CDH8: variants seen among roughly 807,000 people sequenced by gnomAD.
The protein encoded by CDH8 is cadherin-8.
CDH8 carries 17 observed loss-of-function variants against 68.1 expected under a neutral mutation model. That is an observed-to-expected ratio of 0.25 (90% CI 0.17 to 0.37). The LOEUF (loss-of-function observed/expected upper bound fraction) is 0.37, where lower values mean the gene tolerates loss of function less well. CDH8 is among the 10% of genes least tolerant of loss of function. CDH8 has a pLI of 1.00. For synonymous variants in CDH8, 372 were observed against 365.1 expected (o/e 1.02, Z -0.21); for missense variants, 763 against 999.3 (o/e 0.76, Z 3.19).
chr16:61,763,091 G>C (rs1960508214), intron 8 of CDH8, among the ~76,000 whole-genome samples: 1 of 152,094 alleles, frequency 6.6e-6, no homozygotes, highest in African/African-American at 2.4e-5. Context: ...GGCCACCCAG[G>C]ATTTCAGCTT....
Position 61,873,223 on chromosome 16 carries a change from G to A in CDH8, c.548-15985C>T, listed in dbSNP as rs1169618511. Among the ~76,000 whole-genome samples the A allele has an allele frequency of 2.6e-5, 4 of 152,144 alleles. 1 individual carries two copies. The highest frequency in any genetic ancestry group is 2.6e-4 in the Admixed American group (4 of 15,276). Reference sequence around the variant, plus strand: ...AAAAAGATTAATTATTTTGATAAACGCCTGTGTCCTGTAGACATAAATAAG... The same window carrying A: ...AAAAAGATTAATTATTTTGATAAACACCTGTGTCCTGTAGACATAAATAAG... On this transcript the variant is annotated intron_variant, in intron 3 of 11. Coordinates refer to ENST00000577390, the MANE Select transcript of CDH8 (RefSeq NM_001796.5).
intron 10 of CDH8, among the ~76,000 whole-genome samples, chr16:61,674,090 C>T (rs1161328100): frequency 6.6e-6 from 1 of 152,054 alleles, no homozygotes; most frequent in African/African-American, 2.4e-5. Context: ...AAGACCTCAC[C>T]TAATACATAA....
chr16:61,826,985 T>C (rs553596622), intron 4 of CDH8, among the ~76,000 whole-genome samples: 1 of 151,866 alleles, frequency 6.6e-6, no homozygotes, highest in East Asian at 1.9e-4. Flanking sequence ...CATACCTATA[T>C]AGTTAGAAAT....
At chr16:61,882,012 A>G (rs1963588178) in intron 3 of CDH8, among the ~76,000 whole-genome samples, 1 of 152,204 alleles carries the variant, frequency 6.6e-6, no homozygotes, top group African/African-American at 2.4e-5. Flanking sequence ...GAGTTATCTA[A>G]TAATTCAGGC....
At chr16:61,895,085 A>T (rs1006738842) in intron 3 of CDH8, among the ~76,000 whole-genome samples, 1 of 152,132 alleles carries the variant, frequency 6.6e-6, no homozygotes, top group Non-Finnish European at 1.5e-5. Context: ...TAAAGTGCTC[A>T]TATTCCTATA....
Position 61,649,498 on chromosome 16 carries a change from T to C in CDH8, c.*4110A>G, listed in dbSNP as rs1963273772. ...AATGTTGATATTCATGTTTAAGTTG[T>C]GCATTTATAGAGCTTTTATAGTGAT... On this transcript the variant is annotated 3_prime_UTR_variant, in exon 12 of 12. Transcript: ENST00000577390. 1 of 151,872 alleles carries C rather than the reference T, an allele frequency of 6.6e-6. No individual in the cohort carries two copies. The highest frequency in any genetic ancestry group is 2.4e-5 in the African/African-American group (1 of 41,372). The allele number at this position is 151,872 out of a possible 1,614,324, so 9.4% of individuals were successfully genotyped here. A position where few individuals can be genotyped will look rare whatever the true frequency, so the allele number is the denominator to read the frequency against.
intron 2 of CDH8, among the ~76,000 whole-genome samples, chr16:61,980,439 C>T (rs1184772019): frequency 1.3e-5 from 2 of 152,050 alleles, no homozygotes; most frequent in African/African-American, 4.8e-5. Context: ...AAAATTCATC[C>T]ATCATCATCA....
chr16:61,756,700 AG>A (rs1960329060), intron 8 of CDH8, among the ~76,000 whole-genome samples: 1 of 152,180 alleles, frequency 6.6e-6, no homozygotes, highest in African/African-American at 2.4e-5. Context: ...TCACTTCAGC[AG>A]GTTTCTCAAA....
At chr16:61,919,700 GA>G (rs1228697065) in intron 2 of CDH8, among the ~76,000 whole-genome samples, 3 of 152,106 alleles carry the variant, frequency 2.0e-5, no homozygotes, top group Non-Finnish European at 1.5e-5. Flanking sequence ...TGGTGTACCT[GA>G]AAGTGATGGG....
chr16:61,712,327 C>T (rs1241703340), intron 10 of CDH8, among the ~76,000 whole-genome samples: 3 of 151,628 alleles, frequency 2.0e-5, no homozygotes, highest in South Asian at 2.1e-4. Context: ...TTATGTGATG[C>T]CTTCTAGAGC....
At chr16:61,972,250 A>T (rs1965351625) in intron 2 of CDH8, among the ~76,000 whole-genome samples, 1 of 152,118 alleles carries the variant, frequency 6.6e-6, no homozygotes, top group Non-Finnish European at 1.5e-5. Context: ...CCTCCCGAGA[A>T]ATGTGGAACT....
At chr16:61,735,245 G>C (rs1030099348) in intron 8 of CDH8, among the ~76,000 whole-genome samples, 10 of 151,938 alleles carry the variant, frequency 6.6e-5, no homozygotes, top group African/African-American at 2.4e-4. Flanking sequence ...TTTCGAACTG[G>C]ACATATCTTT....
intron 4 of CDH8, among the ~76,000 whole-genome samples, chr16:61,832,927 C>T (rs1962491299): frequency 1.3e-5 from 2 of 151,650 alleles, no homozygotes; most frequent in Non-Finnish European, 2.9e-5. Flanking sequence ...AGTGCAGGCA[C>T]TGGAATTGTC....
chr16:61,700,116 A>G (rs950500401), intron 10 of CDH8, among the ~76,000 whole-genome samples: 1 of 152,168 alleles, frequency 6.6e-6, no homozygotes, highest in African/African-American at 2.4e-5. Flanking sequence ...TGATGGCATT[A>G]AAATATTAAA....
At chr16:61,703,348 T>A (rs971669390) in intron 10 of CDH8, among the ~76,000 whole-genome samples, 2 of 152,170 alleles carry the variant, frequency 1.3e-5, no homozygotes, top group African/African-American at 4.8e-5. Flanking sequence ...TGAACATATT[T>A]CCATTTTCTT....
chr16:61,702,844 C>T (rs1964459390), intron 10 of CDH8, among the ~76,000 whole-genome samples: 1 of 152,138 alleles, frequency 6.6e-6, no homozygotes, highest in African/African-American at 2.4e-5. Context: ...CTTTGCCTGG[C>T]AAGTCACTTA....
At chr16:61,712,216 A>G (rs768669978) in intron 10 of CDH8, among the ~76,000 whole-genome samples, 1 of 151,722 alleles carries the variant, frequency 6.6e-6, no homozygotes, top group Non-Finnish European at 1.5e-5. Context: ...CATTTATTGT[A>G]GAATTAAATC....
intron 2 of CDH8, among the ~76,000 whole-genome samples, chr16:62,002,131 C>A (rs140937485): frequency 2.1e-3 from 312 of 152,106 alleles, no homozygotes; most frequent in African/African-American, 7.4e-3. Context: ...TCTATTAATT[C>A]ACTTTTACCC....
chr16:61,757,648 A>G (rs1260347564), intron 8 of CDH8, among the ~76,000 whole-genome samples: 1 of 152,074 alleles, frequency 6.6e-6, no homozygotes, highest in Non-Finnish European at 1.5e-5. Flanking sequence ...AGCAGCTTCT[A>G]TCTCTCTTGG....
Sources: gnomAD v4.1 joint callset for allele counts (sites outside exome capture counted in the v4.1 genomes callset) on GRCh38, gnomAD v4.1.1 for gene constraint, MANE v1.5 for transcripts, NCBI Gene and HGNC (gene_info 2026-07-23, HGNC 2026-07-21) for gene names.